EXOC6B: variants seen among roughly 807,000 people sequenced by gnomAD.
The protein encoded by EXOC6B is SEC15 homolog B.
A neutral mutation model predicts 113.5 loss-of-function variants in EXOC6B; 54 were observed. The observed-to-expected ratio is 0.48, with a 90% CI of 0.38 to 0.60. The LOEUF (loss-of-function observed/expected upper bound fraction) is 0.60, where lower values mean the gene tolerates loss of function less well. EXOC6B is among the 20% of genes least tolerant of loss of function. The pLI, the probability that EXOC6B is intolerant of heterozygous loss-of-function variation, is 0.00. For synonymous variants in EXOC6B, 357 were observed against 339.0 expected, an observed-to-expected ratio of 1.05 and a Z score of -0.58; for missense variants, 797 against 977.5, an observed-to-expected ratio of 0.82 and a Z score of 2.46.
chr2:72,495,719 A>G (rs1282719191), intron 14 of EXOC6B, among the ~76,000 whole-genome samples, 180 bp from the exon 15 acceptor site: 1 of 152,214 alleles, frequency 6.6e-6, no homozygotes, highest in Non-Finnish European at 1.5e-5. Context: ...AAATTTAAAT[A>G]AAACAATAAT....
intron 14 of EXOC6B, 29 bp downstream of exon 14, chr2:72,496,425 A>C: frequency 7.1e-7 from 1 of 1,403,672 alleles, no homozygotes; most frequent in Non-Finnish European, 9.9e-7. Context: ...CAAAACAACC[A>C]GAGAAATTTA....
rs761122244 is a variant in EXOC6B, at chr2:72,718,258, G to A, written c.514C>T (p.Pro172Ser). 1.9e-6 allele frequency: 3 copies of A among 1,613,732 alleles called. No homozygotes were observed. Among genetic ancestry groups the A allele is most frequent in the African/African-American group, 2.7e-5 (2 of 74,916 alleles). ...TLEHLEHTYLPQVSHYRFCKV... is the reference protein window; with the variant it reads ...TLEHLEHTYLSQVSHYRFCKV... ...CAGAATCGATAGTGGCTTACTTGAG[G>A]CAGGTAGGTATGCTCTAGATGTTCC... is the stretch of plus-strand genomic sequence containing the variant. Residue 172 changes from proline to serine, a missense_variant, in exon 6 of 22, where the codon CCT (proline) becomes TCT (serine). Pro to Ser is a moderately conservative substitution (Grantham distance 74). Coordinates refer to ENST00000272427, the MANE Select transcript of EXOC6B (RefSeq NM_015189.3).
At chr2:72,459,396 G>A (rs538683866) in intron 18 of EXOC6B, among the ~76,000 whole-genome samples, 2 of 152,140 alleles carry the variant, frequency 1.3e-5, no homozygotes, top group Non-Finnish European at 2.9e-5. Flanking sequence ...ATTCAATTAG[G>A]AAAAGAGGAA....
chr2:72,659,522 T>C (rs904541981), intron 6 of EXOC6B, among the ~76,000 whole-genome samples: 2 of 152,158 alleles, frequency 1.3e-5, no homozygotes, highest in African/African-American at 4.8e-5. Context: ...ATAAGGAATC[T>C]GTATCTTGCT....
rs115639028 is a variant in EXOC6B at position 72,516,024 on chromosome 2, T to C, written c.916-898A>G. Among the ~76,000 whole-genome samples the C allele has an allele frequency of 7.6e-3, 1,157 of 152,170 alleles. 15 individuals are homozygous for C. The highest frequency in any genetic ancestry group is 0.027 in the African/African-American group (1,109 of 41,496). On this transcript the variant is annotated intron_variant, in intron 8 of 21. Coordinates refer to ENST00000272427, the MANE Select transcript of EXOC6B (RefSeq NM_015189.3). ...GAGATTGTTGATCACCAGCAGGCACTAGAAAAACACAACAAAAGATTCTAC... is the reference window on the plus strand; with the variant it reads ...GAGATTGTTGATCACCAGCAGGCACCAGAAAAACACAACAAAAGATTCTAC...
At position 72,625,501 on chromosome 2, in the gene EXOC6B, T is replaced by C. The variant is rs990062197; in HGVS notation, c.670-49833A>G. ...GGAGAGGGATTGGCCCCCTTTCCTG[T>C]CCATAAAGAGGACAAGGAAACGTCA... On this transcript the variant is annotated intron_variant, in intron 6 of 21. Coordinates refer to ENST00000272427, the MANE Select transcript of EXOC6B (RefSeq NM_015189.3). Among the ~76,000 whole-genome samples, 10 of 152,222 alleles carry C rather than the reference T, an allele frequency of 6.6e-5. No individual in the cohort carries two copies. In the East Asian group the frequency reaches 1.9e-3, roughly 29 times the overall value.
chr2:72,742,982 G>T (rs1211135208), intron 1 of EXOC6B, among the ~76,000 whole-genome samples: 1 of 152,032 alleles, frequency 6.6e-6, no homozygotes, highest in African/African-American at 2.4e-5. Context: ...TCCCATACCT[G>T]TTCCTCCTCA....
chr2:72,199,502 G>C (rs924045191), intron 20 of EXOC6B, among the ~76,000 whole-genome samples: 2 of 152,052 alleles, frequency 1.3e-5, no homozygotes, highest in Non-Finnish European at 2.9e-5. Context: ...GGCTGGCTAC[G>C]GGCCTCTGGC....
chr2:72,601,124 A>ATGTGTGTGTGTGTG (rs61668760), intron 6 of EXOC6B, among the ~76,000 whole-genome samples: 2 of 138,594 alleles, frequency 1.4e-5, no homozygotes, highest in Non-Finnish European at 1.5e-5. Flanking sequence ...GTGTGTGTGT[A>ATGTGTGTGTGTGTG]TGTGTGTGTG....
At chr2:72,785,900 C>G (rs1684348794) in intron 1 of EXOC6B, among the ~76,000 whole-genome samples, 1 of 152,160 alleles carries the variant, frequency 6.6e-6, no homozygotes, top group East Asian at 1.9e-4. Flanking sequence ...TGCAAATTTT[C>G]CAAACTTTTA....
chr2:72,376,421 T>G (rs370748733), intron 19 of EXOC6B, among the ~76,000 whole-genome samples: 2 of 152,204 alleles, frequency 1.3e-5, no homozygotes, highest in African/African-American at 4.8e-5. Context: ...TTCTGATAAG[T>G]TGGCTGTAGC....
intron 1 of EXOC6B, among the ~76,000 whole-genome samples, chr2:72,822,435 C>T (rs1217447799): frequency 2.6e-5 from 4 of 152,072 alleles, no homozygotes; most frequent in Non-Finnish European, 4.4e-5. Flanking sequence ...GTGGTATATC[C>T]TTATGATAGA....
chr2:72,257,255 T>TA (rs983220849), intron 20 of EXOC6B, among the ~76,000 whole-genome samples: 21 of 151,360 alleles, frequency 1.4e-4, no homozygotes, highest in East Asian at 1.4e-3. Context: ...TCACGGAGCT[T>TA]AAAAAAAAAC....
At chr2:72,367,692 G>A (rs990189840) in intron 19 of EXOC6B, among the ~76,000 whole-genome samples, 3 of 152,156 alleles carry the variant, frequency 2.0e-5, no homozygotes, top group African/African-American at 7.2e-5. Flanking sequence ...CCATCCCCTG[G>A]CAGTGGTTGA....
At chr2:72,273,863 C>T (rs530760810) in intron 20 of EXOC6B, among the ~76,000 whole-genome samples, 4 of 151,974 alleles carry the variant, frequency 2.6e-5, no homozygotes, top group East Asian at 1.9e-4. Context: ...GGGGTGGGGA[C>T]GGGTCTACTA....
intron 6 of EXOC6B, among the ~76,000 whole-genome samples, chr2:72,587,149 T>C (rs1705641829): frequency 1.3e-5 from 2 of 151,960 alleles, no homozygotes. Context: ...ATAGCAAAGA[T>C]GTGGAATCAA....
intron 1 of EXOC6B, among the ~76,000 whole-genome samples, chr2:72,771,562 C>T (rs1357561299): frequency 6.6e-6 from 1 of 152,170 alleles, no homozygotes; most frequent in Non-Finnish European, 1.5e-5. Context: ...TTTTCATTTC[C>T]TACTGGAAAG....
intron 20 of EXOC6B, among the ~76,000 whole-genome samples, chr2:72,216,470 C>T (rs1288944186): frequency 1.3e-5 from 2 of 152,160 alleles, no homozygotes; most frequent in African/African-American, 2.4e-5. Context: ...TAAATTAGTT[C>T]AACCATTGTG....
chr2:72,482,719 G>C (rs1027509717), intron 16 of EXOC6B, among the ~76,000 whole-genome samples: 18 of 152,086 alleles, frequency 1.2e-4, no homozygotes, highest in Admixed American at 1.2e-3. Context: ...TCCAGCACAG[G>C]ATGAAAGCAC....
Sources: allele counts gnomAD v4.1 joint callset (sites outside exome capture counted in the v4.1 genomes callset), GRCh38; gene constraint gnomAD v4.1.1; transcripts MANE v1.5; gene names NCBI Gene and HGNC (gene_info 2026-07-23, HGNC 2026-07-21).